PCDH15: variants seen among roughly 807,000 people sequenced by gnomAD.
The protein encoded by PCDH15 is protocadherin related 15, also known as protocadherin-15.
In PCDH15, 129 loss-of-function variants were observed where a neutral mutation model predicts 178.5. The observed-to-expected ratio is 0.72, with a 90% confidence interval of 0.63 to 0.84. PCDH15 has a LOEUF of 0.84. Ranked by LOEUF, PCDH15 falls within the 40% of genes least tolerant of loss-of-function variation. The pLI, the probability that PCDH15 is intolerant of heterozygous loss-of-function variation, is 0.00. For synonymous variants in PCDH15, 800 were observed against 732.0 expected (o/e 1.09, Z -1.50); for missense variants, 2,230 against 2,099.9 (o/e 1.06, Z -1.21).
chr10:54,701,027 C>T lies in PCDH15; in HGVS notation c.-28-36737G>A, dbSNP rs138519419. On this transcript the variant is annotated intron_variant, in intron 1 of 37. Coordinates refer to ENST00000644397, the MANE Select transcript of PCDH15 (RefSeq NM_001384140.1). Reference sequence around the variant, plus strand: ...AACAGTGGATCTTTTAGAAGAAACCCTAAAAGCCTGAAGAGATTAGGGGCC... The same window carrying T: ...AACAGTGGATCTTTTAGAAGAAACCTTAAAAGCCTGAAGAGATTAGGGGCC... Among the ~76,000 whole-genome samples, 241 of 152,090 alleles carry T rather than the reference C, an allele frequency of 1.6e-3. 3 individuals carry two copies. The highest frequency in any genetic ancestry group is 5.6e-3 in the African/African-American group (233 of 41,512).
intron 2 of PCDH15, among the ~76,000 whole-genome samples, chr10:55,464,922 AAAACAAAC>A (rs1307672639): frequency 2.6e-5 from 4 of 151,360 alleles, no homozygotes; most frequent in African/African-American, 7.3e-5. Context: ...AAAAAGAAAC[AAAACAAAC>A]AAACAACAAC....
Position 55,024,182 on chromosome 10 carries a change from G to GAGGAAGGAATATATATATATATAAT in PCDH15, c.-79-126707_-79-126683dup, listed in dbSNP as rs1564726596. On this transcript the variant is annotated intron_variant, in intron 2 of 5. Transcript: ENST00000458638. ...AGAGAGGAAGGAATATATATAGAGA[G>GAGGAAGGAATATATATATATATAAT]AGGAAGGAATATATATATATATAAT... Among the ~76,000 whole-genome samples the GAGGAAGGAATATATATATATATAAT allele has an allele frequency of 8.5e-4, 124 of 145,962 alleles. 1 individual carries two copies. Among genetic ancestry groups the GAGGAAGGAATATATATATATATAAT allele is most frequent in the Admixed American group, 6.3e-3 (91 of 14,386 alleles).
At chr10:55,299,780 T>C (rs1378107030) in intron 1 of PCDH15, among the ~76,000 whole-genome samples, 1 of 152,150 alleles carries the variant, frequency 6.6e-6, no homozygotes, top group African/African-American at 2.4e-5. Flanking sequence ...TCAATTATAA[T>C]TGAACCAAAT....
chr10:55,188,677 C>G (rs1203755486), intron 1 of PCDH15, among the ~76,000 whole-genome samples: 1 of 151,552 alleles, frequency 6.6e-6, no homozygotes. Context: ...TTACAGTATC[C>G]TTTTTTTAAA....
chr10:54,837,285 A>G (rs1953333400), intron 3 of PCDH15, among the ~76,000 whole-genome samples: 2 of 152,098 alleles, frequency 1.3e-5, no homozygotes, highest in Non-Finnish European at 2.9e-5. Flanking sequence ...TGTATAAAGT[A>G]AACAAAAGAA....
chr10:55,432,793 ATATT>A (rs890309876), intron 2 of PCDH15, among the ~76,000 whole-genome samples: 3 of 149,588 alleles, frequency 2.0e-5, no homozygotes, highest in African/African-American at 7.5e-5. Flanking sequence ...ATATATATAT[ATATT>A]TTATTTTTAG....
chr10:55,468,942 T>C (rs1839899549), intron 2 of PCDH15: 5 of 152,166 alleles, frequency 3.3e-5, no homozygotes, highest in Admixed American at 2.0e-4. Flanking sequence ...TGTTTTTAAG[T>C]TATCAAAATT....
upstream of PCDH15, among the ~76,000 whole-genome samples, chr10:54,805,343 G>GTC (rs1270775664): frequency 6.6e-6 from 1 of 152,058 alleles, no homozygotes; most frequent in African/African-American, 2.4e-5. Context: ...TACAAGCAGT[G>GTC]TCTCACCAAA....
At chr10:53,821,790 A>G in intron 32 of PCDH15, 1 of 1,599,144 alleles carries the variant, frequency 6.3e-7, no homozygotes, top group Non-Finnish European at 8.5e-7. Context: ...TTGACGTTCA[A>G]ATTTGATGTT....
chr10:55,146,234 C>T (rs1305212123), intron 2 of PCDH15, among the ~76,000 whole-genome samples: 2 of 151,960 alleles, frequency 1.3e-5, no homozygotes, highest in Non-Finnish European at 2.9e-5. Flanking sequence ...CCAAATGACT[C>T]ATAATTGGGC....
At position 55,266,971 on chromosome 10, in the gene PCDH15, G is replaced by A. The variant is rs141539165; in HGVS notation, c.-156+52628C>T. ...ATTTACCCCTAGATGCTGCCATGGG[G>A]TTGGAACCCTACAGCCTGGTTGCTT... is the stretch of plus-strand genomic sequence containing the variant. On this transcript the variant is annotated intron_variant, in intron 1 of 5. Transcript: ENST00000458638. Among the ~76,000 whole-genome samples the A allele has an allele frequency of 6.3e-3, 967 of 152,298 alleles. 12 individuals carry two copies. The highest frequency in any genetic ancestry group is 0.022 in the African/African-American group (930 of 41,554).
At chr10:55,117,456 C>A (rs1837654727) in intron 2 of PCDH15, among the ~76,000 whole-genome samples, 1 of 152,146 alleles carries the variant, frequency 6.6e-6, no homozygotes, top group Non-Finnish European at 1.5e-5. Context: ...TTCTTGCAAA[C>A]ATAGACAAGA....
intron 15 of PCDH15, among the ~76,000 whole-genome samples, chr10:54,126,664 T>C (rs573469478): frequency 1.3e-5 from 2 of 152,174 alleles, no homozygotes; most frequent in Admixed American, 1.3e-4. Flanking sequence ...ATATATTTTC[T>C]ATTTTAAAGT....
chr10:54,965,440 C>T (rs182615101), intron 2 of PCDH15, among the ~76,000 whole-genome samples: 16 of 152,076 alleles, frequency 1.1e-4, no homozygotes, highest in East Asian at 1.9e-4. Flanking sequence ...CCATGTAAGA[C>T]GCGTCTTTGC....
rs900217791 is a variant in PCDH15, at chr10:54,814,552, C to G, written c.-29+82898G>C. 2.0e-5 allele frequency among the ~76,000 whole-genome samples: 3 copies of G among 152,190 alleles called. No individual in the cohort carries two copies. The East Asian group carries it at 5.8e-4, about 29-fold the overall frequency. On this transcript the variant is annotated intron_variant, in intron 3 of 5. Transcript: ENST00000458638. The stretch of plus-strand genomic sequence containing the variant: ...CTAAATATCTTGCAATTCCTTGTAG[C>G]TAATAAATAAATGACAAGTCCTTAT...
chr10:54,544,304 T>C (rs1253619368), intron 2 of PCDH15, among the ~76,000 whole-genome samples: 1 of 152,218 alleles, frequency 6.6e-6, no homozygotes, highest in African/African-American at 2.4e-5. Flanking sequence ...ATTGATTAAC[T>C]GCATTTTTTG....
intron 2 of PCDH15, among the ~76,000 whole-genome samples, chr10:55,333,286 T>C (rs767278455): frequency 3.9e-5 from 6 of 152,148 alleles, no homozygotes; most frequent in Non-Finnish European, 8.8e-5. Context: ...ATTAATACTT[T>C]ACAGATTTAG....
intron 1 of PCDH15, among the ~76,000 whole-genome samples, chr10:54,777,070 C>T (rs762873488): frequency 2.6e-5 from 4 of 152,150 alleles, no homozygotes; most frequent in Non-Finnish European, 5.9e-5. Context: ...CTGGTTGATG[C>T]GTTGTGCTTT....
chr10:55,301,234 G>C (rs1331583330), intron 1 of PCDH15, among the ~76,000 whole-genome samples: 1 of 152,124 alleles, frequency 6.6e-6, no homozygotes, highest in African/African-American at 2.4e-5. Context: ...GCAATGTACT[G>C]TGAGTAAATT....
Sources: gnomAD v4.1 joint callset for allele counts (sites outside exome capture counted in the v4.1 genomes callset) on GRCh38, gnomAD v4.1.1 for gene constraint, MANE v1.5 for transcripts, NCBI Gene and HGNC (gene_info 2026-07-23, HGNC 2026-07-21) for gene names.